Variants in IL34 observed in about 807,000 individuals in gnomAD.
IL34 encodes interleukin 34, also known as interleukin-34.
In IL34, 17 loss-of-function variants were observed where a neutral mutation model predicts 25.3. The ratio of observed to expected loss-of-function variants is 0.67; its 90% CI spans 0.46 to 1.01. The LOEUF is 1.01. IL34 is among the 50% of genes least tolerant of loss of function. IL34 has a pLI of 0.00. For synonymous variants in IL34, 174 were observed against 140.9 expected (o/e 1.23, Z -1.66); for missense variants, 368 against 312.9 (o/e 1.18, Z -1.33).
chr16:70,659,556 C>T, intron 4 of IL34, 62 bp from the exon 5 acceptor site: 1 of 1,541,570 alleles, frequency 6.5e-7, no homozygotes, highest in Non-Finnish European at 8.8e-7. Flanking sequence ...GGACAGCCCT[C>T]ACGGCTCTCC....
chr16:70,652,366 G>A (rs747137277), intron 1 of IL34, among the ~76,000 whole-genome samples: 1 of 152,164 alleles, frequency 6.6e-6, no homozygotes, highest in African/African-American at 2.4e-5. Flanking sequence ...GCTGAGGCAG[G>A]AGGATTGCTT....
At chr16:70,644,317 C>T (rs990829070), upstream of IL34, among the ~76,000 whole-genome samples, 6 of 152,028 alleles carry the variant, frequency 3.9e-5, no homozygotes, top group Admixed American at 2.0e-4. Flanking sequence ...TCACCCGCCT[C>T]GGCCTCCCAA....
At chr16:70,597,710 G>C (rs2050844655) in intron 1 of IL34, among the ~76,000 whole-genome samples, 1 of 152,210 alleles carries the variant, frequency 6.6e-6, no homozygotes, top group Non-Finnish European at 1.5e-5. Context: ...ACAAATGTAA[G>C]CAGTGTGTTT....
intron 1 of IL34, among the ~76,000 whole-genome samples, chr16:70,629,200 G>A (rs975800333): frequency 6.6e-6 from 1 of 152,134 alleles, no homozygotes; most frequent in Non-Finnish European, 1.5e-5. Context: ...AATTTTGTTT[G>A]CTGATGTAAT....
At chr16:70,611,700 T>C (rs2151827723) in intron 1 of IL34, among the ~76,000 whole-genome samples, 1 of 152,108 alleles carries the variant, frequency 6.6e-6, no homozygotes, top group South Asian at 2.1e-4. Flanking sequence ...AAAAATTAGC[T>C]GGGCATGGTG....
intron 1 of IL34, among the ~76,000 whole-genome samples, chr16:70,625,509 G>C (rs906688450): frequency 6.6e-6 from 1 of 152,106 alleles, no homozygotes; most frequent in Admixed American, 6.5e-5. Context: ...GGGGTAGAGA[G>C]GGAGAGAAGG....
rs375715573 is a variant in IL34, at chr16:70,650,914, G to C, written c.29-3624G>C. ...TTCTCAGCACGCTGGGCTGTGCAGT[G>C]TTTAACTGCGTTATGGATTCACACA... On this transcript the variant is annotated intron_variant, in intron 1 of 5. Coordinates refer to ENST00000288098, the MANE Select transcript of IL34 (RefSeq NM_001393494.1). Among the ~76,000 whole-genome samples, 16 of 152,332 alleles carry C rather than the reference G, an allele frequency of 1.1e-4. No homozygotes were observed. The East Asian group carries it at 2.1e-3, about 20-fold the overall frequency.
intron 1 of IL34, among the ~76,000 whole-genome samples, chr16:70,628,388 A>G (rs1163089408): frequency 6.6e-6 from 1 of 151,918 alleles, no homozygotes; most frequent in Non-Finnish European, 1.5e-5. Flanking sequence ...ACATTTCTTG[A>G]TAAGTTTATT....
chr16:70,649,868 A>G (rs1237695898), intron 1 of IL34, among the ~76,000 whole-genome samples: 1 of 152,088 alleles, frequency 6.6e-6, no homozygotes, highest in East Asian at 1.9e-4. Flanking sequence ...GCACGATCTC[A>G]GCTCACTGCA....
chr16:70,622,268 T>G (rs12599245), intron 1 of IL34, among the ~76,000 whole-genome samples: 84,215 of 151,728 alleles, frequency 0.56, 25,700 homozygotes, highest in African/African-American at 0.81. Context: ...AGACTAAAAG[T>G]TATTTTAGTT....
At position 70,625,303 on chromosome 16, in the gene IL34, G is replaced by A. The variant is rs186434810; in HGVS notation, c.-400-21245G>A. Among the ~76,000 whole-genome samples the A allele has an allele frequency of 2.9e-4, 44 of 151,986 alleles. No homozygotes were observed. In the East Asian group the frequency reaches 5.4e-3, roughly 19 times the overall value. Reference sequence around the variant, plus strand: ...ATAGAGATATGGAGGGAAGGGGTTCGGGGGTTCTTACCCTCCAGAAAAGTG... The same window carrying A: ...ATAGAGATATGGAGGGAAGGGGTTCAGGGGTTCTTACCCTCCAGAAAAGTG... On this transcript the variant is annotated intron_variant, in intron 1 of 6. Transcript: ENST00000429149.
rs140480986 is a variant in IL34, at chr16:70,628,873, G to A, written c.-400-17675G>A. 6.0e-3 allele frequency among the ~76,000 whole-genome samples: 887 copies of A among 147,130 alleles called. 8 individuals carry two copies. Among genetic ancestry groups the A allele is most frequent in the Middle Eastern group, 0.019 (5 of 266 alleles). On this transcript the variant is annotated intron_variant, in intron 1 of 6. Transcript: ENST00000429149. Reference sequence around the variant, plus strand: ...CTCAATCACAGCTCACTATAGCTTCGAACTCCTGGGTTCAAATGATCCTTC... The same window carrying A: ...CTCAATCACAGCTCACTATAGCTTCAAACTCCTGGGTTCAAATGATCCTTC...
intron 1 of IL34, among the ~76,000 whole-genome samples, chr16:70,627,661 G>C (rs1362672700): frequency 1.3e-5 from 2 of 151,982 alleles, no homozygotes; most frequent in Non-Finnish European, 2.9e-5. Context: ...GTAGAGATGG[G>C]ATCTCACTAT....
At chr16:70,599,676 C>G (rs1361367027) in intron 1 of IL34, among the ~76,000 whole-genome samples, 1 of 137,190 alleles carries the variant, frequency 7.3e-6, no homozygotes, top group South Asian at 2.3e-4. Context: ...TGCACCCGGT[C>G]TTTTTTTTTT....
chr16:70,613,594 C>T (rs1229475068), intron 1 of IL34, among the ~76,000 whole-genome samples: 1 of 152,136 alleles, frequency 6.6e-6, no homozygotes, highest in Admixed American at 6.5e-5. Context: ...CAGAGTCCAG[C>T]CAGGAGTGGT....
rs755563995 is a variant in IL34 at position 70,659,609 on chromosome 16, C to T, written c.403-9C>T. The T allele has an allele frequency of 2.5e-6, 4 of 1,601,628 alleles. No individual in the cohort carries two copies. Among genetic ancestry groups the T allele is most frequent in the South Asian group, 1.1e-5 (1 of 90,484 alleles). On this transcript the variant is annotated splice_polypyrimidine_tract_variant and intron_variant, in intron 4 of 5. Transcript: ENST00000288098. ...TCGCCACCGCTCCTGACTGTTTCCT[C>T]CTTTCCAGGATGTGGAGGTCAGCCC...
chr16:70,623,900 A>G lies in IL34; in HGVS notation c.-400-22648A>G, dbSNP rs571821721. 1.0e-4 allele frequency among the ~76,000 whole-genome samples: 15 copies of G among 149,798 alleles called. No individual in the cohort carries two copies. The South Asian group carries it at 3.3e-3, about 33-fold the overall frequency. On this transcript the variant is annotated intron_variant, in intron 1 of 6. Transcript: ENST00000429149. The stretch of plus-strand genomic sequence containing the variant: ...CAATACTCACAACAGTTATGGAGGC[A>G]AGGGAAACAGGCCCTTGAAAAGAAG...
chr16:70,656,010 GT>G (rs1200225012), intron 2 of IL34, among the ~76,000 whole-genome samples: 1 of 152,196 alleles, frequency 6.6e-6, no homozygotes. Flanking sequence ...ACCATCATAG[GT>G]TTTAGAACAT....
intron 1 of IL34, among the ~76,000 whole-genome samples, chr16:70,648,518 C>G (rs1459607496): frequency 7.5e-6 from 1 of 133,464 alleles, no homozygotes; most frequent in Non-Finnish European, 1.5e-5. Context: ...CATCACTGCA[C>G]TGCAGCCTGG....
Sources: gnomAD v4.1 joint callset for allele counts (sites outside exome capture counted in the v4.1 genomes callset) on GRCh38, gnomAD v4.1.1 for gene constraint, MANE v1.5 for transcripts, NCBI Gene and HGNC (gene_info 2026-07-23, HGNC 2026-07-21) for gene names.